Variants in PRSS56 observed in about 807,000 individuals in gnomAD.
PRSS56 encodes serine protease 56, also known as protease, serine 56.
Under a neutral mutation model 66.8 loss-of-function variants are expected in PRSS56, and 55 were observed. That is an observed-to-expected ratio of 0.82 (90% CI 0.66 to 1.03). PRSS56 has a LOEUF of 1.03. Ranked by LOEUF, PRSS56 falls within the 50% of genes least tolerant of loss-of-function variation. The pLI, the probability that PRSS56 is intolerant of heterozygous loss-of-function variation, is 0.00. For missense variants in PRSS56, 869 were observed against 837.2 expected, an observed-to-expected ratio of 1.04 and a Z score of -0.47; for synonymous variants, 409 against 387.9, an observed-to-expected ratio of 1.05 and a Z score of -0.64.
chr2:232,521,868 T>C lies in PRSS56; in HGVS notation c.256+2T>C. The C allele has an allele frequency of 6.5e-7, 1 of 1,535,658 alleles. No individual in the cohort carries two copies. Among genetic ancestry groups the C allele is most frequent in the East Asian group, 2.4e-5 (1 of 40,860 alleles). On this transcript the variant is annotated splice_donor_variant, in intron 3 of 12. Coordinates refer to ENST00000617714, the MANE Select transcript of PRSS56 (RefSeq NM_001195129.2). LOFTEE classifies it high-confidence loss of function. ...TCCTCCAGGACCCACCTGAGCCAGG[T>C]GAGGTTGAAAAGGCTCGAGGGGGCA...
chr2:232,523,799 G>C lies in PRSS56; in HGVS notation c.1040G>C (p.Arg347Thr). Residue 347 changes from arginine (R) to threonine (T), a missense_variant, in exon 9 of 13, where the codon AGG becomes ACG. Transcript: ENST00000617714. ...SASSSREPSCRELLAWDPPQE... is the reference protein window; with the variant it reads ...SASSSREPSCTELLAWDPPQE... Reference sequence around the variant, plus strand: ...TCCTCCAGCCGCGAGCCCAGCTGCAGGGAGCTTCTGGCCTGGGACCCCCCC... The same window carrying C: ...TCCTCCAGCCGCGAGCCCAGCTGCACGGAGCTTCTGGCCTGGGACCCCCCC... 6.5e-7 allele frequency: 1 copy of C among 1,533,942 alleles called. No individual in the cohort carries two copies.
In PRSS56 at chr2:232,520,589, C is replaced by T. The variant is rs1443189714; in HGVS notation, c.-10C>T. 1.3e-6 allele frequency: 2 copies of T among 1,535,334 alleles called. No homozygotes were observed. Among genetic ancestry groups the T allele is most frequent in the Non-Finnish European group, 1.7e-6 (2 of 1,146,162 alleles). Reference sequence around the variant, plus strand: ...AGGACAGGGGTCTCTCACCCCAGCTCCTGGTCACCATGCTGCTGGCTGTGC... The same window carrying T: ...AGGACAGGGGTCTCTCACCCCAGCTTCTGGTCACCATGCTGCTGGCTGTGC... On this transcript the variant is annotated 5_prime_UTR_variant, in exon 1 of 13. Transcript: ENST00000617714.
intron 11 of PRSS56, 120 bp downstream of exon 11, chr2:232,524,489 T>C (rs151237033): frequency 9.7e-4 from 922 of 954,822 alleles, no homozygotes; most frequent in Admixed American, 1.7e-3. Context: ...GGTGGACTCG[T>C]TCTCCCCTCC....
At chr2:232,524,971 T>C in intron 12 of PRSS56, 127 bp downstream of exon 12, 1 of 655,240 alleles carries the variant, frequency 1.5e-6, no homozygotes, top group Non-Finnish European at 2.2e-6. Flanking sequence ...GCCCCAGCTC[T>C]GGGGGTAGGT....
In PRSS56 at chr2:232,521,954, C is replaced by T; in HGVS notation, c.257-17C>T. 6 of 1,499,670 alleles carry T rather than the reference C, an allele frequency of 4.0e-6. No homozygotes were observed. The highest frequency in any genetic ancestry group is 4.4e-6 in the Non-Finnish European group (5 of 1,126,320). The allele number at this position is 1,499,670 out of a possible 1,614,324, so 92.9% of individuals were successfully genotyped here. On this transcript the variant is annotated splice_polypyrimidine_tract_variant and intron_variant, in intron 3 of 12. Transcript: ENST00000617714. ...GGCCAGAACATGTCCCTCGTGACAC[C>T]CCTTGCCCCTTTCTAGGGCCGTGCG...
At position 232,520,611 on chromosome 2, in the gene PRSS56, GTGC is replaced by G. The variant is rs756702623; in HGVS notation, c.24_26del (p.Leu9del). On this transcript the variant is annotated inframe_deletion, in exon 1 of 13. Coordinates refer to ENST00000617714, the MANE Select transcript of PRSS56 (RefSeq NM_001195129.2). ...GCTCCTGGTCACCATGCTGCTGGCTGTGCTGCTGCTGCTACCCCTCCCAAGCTC... is the reference window on the plus strand; with the variant it reads ...GCTCCTGGTCACCATGCTGCTGGCTGTGCTGCTGCTACCCCTCCCAAGCTC... 3.9e-6 allele frequency: 6 copies of G among 1,536,006 alleles called. No homozygotes were observed. The highest frequency in any genetic ancestry group is 5.2e-6 in the Non-Finnish European group (6 of 1,146,798).
Position 232,525,668 on chromosome 2 carries a change from T to A in PRSS56, c.*162T>A. The A allele has an allele frequency of 1.8e-6, 1 of 556,930 alleles. No homozygotes were observed. Among genetic ancestry groups the A allele is most frequent in the Non-Finnish European group, 3.0e-6 (1 of 330,114 alleles). 34.5% of individuals were successfully genotyped at this position (556,930 alleles called of 1,614,324 possible). A position where few individuals can be genotyped will look rare whatever the true frequency, so the allele number is the denominator to read the frequency against. Reference sequence around the variant, plus strand: ...CCCCCGTGTCTTCCCAGGTTTACAATCAGAGAATCACAGCTGCTTTAATAA... The same window carrying A: ...CCCCCGTGTCTTCCCAGGTTTACAAACAGAGAATCACAGCTGCTTTAATAA... On this transcript the variant is annotated 3_prime_UTR_variant, in exon 13 of 13. Coordinates refer to ENST00000617714, the MANE Select transcript of PRSS56 (RefSeq NM_001195129.2).
intron 9 of PRSS56, 43 bp downstream of exon 9, chr2:232,523,988 G>A (rs909305226): frequency 1.1e-5 from 16 of 1,523,684 alleles, no homozygotes; most frequent in Non-Finnish European, 1.4e-5. Flanking sequence ...GCAGAGGGGA[G>A]GGGGCCTGGC....
At position 232,524,850 on chromosome 2, in the gene PRSS56, TC is replaced by T. The variant is rs2106203438; in HGVS notation, c.1521+10del. ...TGGCCATGAACTTTCATGAGGTAGG[TC>T]CCCAGGCTTCCAGACTCCTTCACGA... On this transcript the variant is annotated splice_region_variant and intron_variant, in intron 12 of 12. Coordinates refer to ENST00000617714, the MANE Select transcript of PRSS56 (RefSeq NM_001195129.2). 1.3e-6 allele frequency: 2 copies of T among 1,528,276 alleles called. No homozygotes were observed. The highest frequency in any genetic ancestry group is 2.0e-5 in the Admixed American group (1 of 50,940). 94.7% of individuals were successfully genotyped at this position (1,528,276 alleles called of 1,614,324 possible). A position where few individuals can be genotyped will look rare whatever the true frequency, so the allele number is the denominator to read the frequency against.
At chr2:232,523,704 C>G (rs1276535386) in intron 8 of PRSS56, 68 bp from the exon 9 acceptor site, 1 of 1,527,180 alleles carries the variant, frequency 6.5e-7, no homozygotes, top group African/African-American at 1.4e-5. Context: ...TGTCTCCTTC[C>G]GGGGAAGGAG....
chr2:232,521,271 C>A (rs761272816), intron 1 of PRSS56, 50 bp from the exon 2 acceptor site: 5 of 1,419,204 alleles, frequency 3.5e-6, no homozygotes, highest in South Asian at 2.5e-5. Context: ...GAGGATGAGG[C>A]TGAGGCTCTT....
chr2:232,523,240 C>T, intron 7 of PRSS56, 38 bp downstream of exon 7: 1 of 1,427,052 alleles, frequency 7.0e-7, no homozygotes, highest in South Asian at 1.5e-5. Flanking sequence ...CCGGCTGAGC[C>T]TTCCCAGGGC....
Position 232,522,163 on chromosome 2 carries a change from A to G in PRSS56, c.446+3A>G, listed in dbSNP as rs1422181518. 2.0e-6 allele frequency: 3 copies of G among 1,493,484 alleles called. No homozygotes were observed. Among genetic ancestry groups the G allele is most frequent in the Admixed American group, 2.2e-5 (1 of 46,332 alleles). 92.5% of individuals were successfully genotyped at this position (1,493,484 alleles called of 1,614,324 possible). Reference sequence around the variant, plus strand: ...ACGGCAGCGCACTGCTTTGTAGGGTAAGTAGGACCCCCAGGCCTTGCCCAG... The same window carrying G: ...ACGGCAGCGCACTGCTTTGTAGGGTGAGTAGGACCCCCAGGCCTTGCCCAG... On this transcript the variant is annotated splice_donor_region_variant and intron_variant, in intron 4 of 12. Transcript: ENST00000617714.
Position 232,522,778 on chromosome 2 carries a change from G to T in PRSS56, c.623G>T (p.Arg208Leu). The T allele has an allele frequency of 6.6e-7, 1 of 1,521,226 alleles. No individual in the cohort carries two copies. The highest frequency in any genetic ancestry group is 8.8e-7 in the Non-Finnish European group (1 of 1,136,998). 94.2% of individuals were successfully genotyped at this position (1,521,226 alleles called of 1,614,324 possible). ...CCGGTGAGCCCGGGGGGATCGGCGC[G>T]CCCCGTGTGCCTGCCCCAGGAGCCC... ...WTPVSPGGSARPVCLPQEPQE... is the reference protein window; with the variant it reads ...WTPVSPGGSALPVCLPQEPQE... Residue 208 changes from arginine to leucine, a missense_variant, in exon 6 of 13, where the codon CGC becomes CTC. Around this residue, in one of 3 missense-constraint regions of PRSS56, gnomAD observed 315 missense variants for 313.7 expected, o/e 1.00. Transcript: ENST00000617714.
intron 2 of PRSS56, 137 bp from the exon 3 acceptor site, chr2:232,521,679 T>G: frequency 1.1e-6 from 1 of 912,234 alleles, no homozygotes; most frequent in Non-Finnish European, 1.6e-6. Flanking sequence ...GAGAAGTTCA[T>G]GGTTGCTGAA....
At chr2:232,521,521 CT>C in intron 2 of PRSS56, 93 bp downstream of exon 2, 1 of 1,024,324 alleles carries the variant, frequency 9.8e-7, no homozygotes, top group Non-Finnish European at 1.5e-6. Flanking sequence ...CTTCACTCTC[CT>C]CTTGGGGGCA....
Position 232,525,502 on chromosome 2 carries a change from C to G in PRSS56, c.1808C>G (p.Pro603Arg), listed in dbSNP as rs1691411410. 4 of 1,476,736 alleles carry G rather than the reference C, an allele frequency of 2.7e-6. No individual in the cohort carries two copies. The highest frequency in any genetic ancestry group is 5.0e-5 in the East Asian group (2 of 39,622). The allele number at this position is 1,476,736 out of a possible 1,614,324, so 91.5% of individuals were successfully genotyped here. The stretch of plus-strand genomic sequence containing the variant: ...CCTCAGGTACCCCCCGCCAGGCAAC[C>G]CTGAGCCATGTCTGGGCCCCCAGCC... ...LNPQVPPARQ[P>R] The change falls in exon 13 of 13, where the codon CCC becomes CGC. Residue 603 changes from proline (P) to arginine (R), a missense_variant. By Grantham distance (103) the Pro-to-Arg change is moderately radical. Around this residue, in one of 3 missense-constraint regions of PRSS56, gnomAD observed 551 missense variants for 506.9 expected, o/e 1.09. Coordinates refer to ENST00000617714, the MANE Select transcript of PRSS56 (RefSeq NM_001195129.2).
At chr2:232,522,984 G>A in intron 6 of PRSS56, 76 bp from the exon 7 acceptor site, 1 of 1,487,594 alleles carries the variant, frequency 6.7e-7, no homozygotes, top group Non-Finnish European at 8.9e-7. Flanking sequence ...GAGGAATCAA[G>A]GGGGGTGGTG....
intron 5 of PRSS56, 24 bp downstream of exon 5, chr2:232,522,638 C>G: frequency 1.3e-6 from 2 of 1,532,512 alleles, no homozygotes; most frequent in Non-Finnish European, 1.7e-6. Flanking sequence ...CCCCAGGCCC[C>G]CAAGGCTGGG....
Sources: gnomAD v4.1 joint callset for allele counts on GRCh38, gnomAD v4.1.1 for gene constraint, gnomAD v4.1.1 regional missense constraint, MANE v1.5 for transcripts, NCBI Gene and HGNC (gene_info 2026-07-23, HGNC 2026-07-21) for gene names.